ALK: variants seen among roughly 807,000 people sequenced by gnomAD.
The protein encoded by ALK is ALK receptor tyrosine kinase.
Under a neutral mutation model 163.1 loss-of-function variants are expected in ALK, and 74 were observed. The ratio of observed to expected loss-of-function variants is 0.45; its 90% CI spans 0.38 to 0.55. The LOEUF (loss-of-function observed/expected upper bound fraction) is 0.55, where lower values mean the gene tolerates loss of function less well. Among genes scored for constraint, ALK ranks in the 20% least tolerant of loss-of-function variants. The pLI is 0.00. For synonymous variants in ALK, 960 were observed against 843.2 expected (o/e 1.14, Z -2.40); for missense variants, 2,063 against 2,105.3 (o/e 0.98, Z 0.39).
chr2:29,827,738 T>C (rs998686664), intron 1 of ALK, among the ~76,000 whole-genome samples: 3 of 152,228 alleles, frequency 2.0e-5, no homozygotes, highest in African/African-American at 7.2e-5. Context: ...ATGGCCATAC[T>C]GCCCAAGGTA....
intron 1 of ALK, among the ~76,000 whole-genome samples, chr2:29,800,660 A>C (rs1195838038): frequency 6.6e-6 from 1 of 152,136 alleles, no homozygotes; most frequent in African/African-American, 2.4e-5. Context: ...CCCTGGAGGC[A>C]CTCAGGTTTC....
chr2:29,567,717 A>AG (rs1208516290), intron 3 of ALK, among the ~76,000 whole-genome samples: 1 of 152,220 alleles, frequency 6.6e-6, no homozygotes, highest in African/African-American at 2.4e-5. Flanking sequence ...AAGAAAAAAA[A>AG]TAAAGCAATT....
chr2:29,882,422 G>A (rs1309295719), intron 1 of ALK, among the ~76,000 whole-genome samples: 3 of 152,138 alleles, frequency 2.0e-5, no homozygotes, highest in Non-Finnish European at 4.4e-5. Context: ...CAGGCTGGGC[G>A]CAGTGGCTCA....
intron 1 of ALK, among the ~76,000 whole-genome samples, chr2:29,897,678 C>A (rs1667305511): frequency 6.6e-6 from 1 of 152,188 alleles, no homozygotes; most frequent in South Asian, 2.1e-4. Context: ...TTAAATCTCT[C>A]CTCCTTCTAC....
At chr2:29,874,053 C>T (rs994320234) in intron 1 of ALK, among the ~76,000 whole-genome samples, 15 of 152,176 alleles carry the variant, frequency 9.9e-5, no homozygotes, top group Non-Finnish European at 1.8e-4. Flanking sequence ...GCAGGAATTG[C>T]TCCACCATCA....
At chr2:29,806,443 T>C (rs1240768770) in intron 1 of ALK, among the ~76,000 whole-genome samples, 1 of 152,112 alleles carries the variant, frequency 6.6e-6, no homozygotes, top group Non-Finnish European at 1.5e-5. Flanking sequence ...AAAGATAGCT[T>C]AGAAGCTACC....
chr2:29,524,948 T>C (rs1337945960), intron 4 of ALK, among the ~76,000 whole-genome samples: 1 of 151,682 alleles, frequency 6.6e-6, no homozygotes, highest in South Asian at 2.1e-4. Flanking sequence ...AATGGATAGA[T>C]GGTTGGTGGA....
At chr2:29,692,212 C>T (rs1178208521) in intron 3 of ALK, among the ~76,000 whole-genome samples, 1 of 152,064 alleles carries the variant, frequency 6.6e-6, no homozygotes, top group Non-Finnish European at 1.5e-5. Flanking sequence ...TACAGCCTGA[C>T]AATAGCAATA....
chr2:29,807,658 G>T (rs535585211), intron 1 of ALK, among the ~76,000 whole-genome samples: 1 of 152,164 alleles, frequency 6.6e-6, no homozygotes, highest in South Asian at 2.1e-4. Context: ...CAGTGAAAAT[G>T]GAAATATAAA....
intron 4 of ALK, among the ~76,000 whole-genome samples, chr2:29,491,957 G>A (rs1671913653): frequency 2.0e-5 from 3 of 152,084 alleles, no homozygotes; most frequent in Admixed American, 2.0e-4. Context: ...TGAATTGGAT[G>A]GCTGAAAATT....
chr2:29,783,306 G>A (rs943785950), intron 1 of ALK, among the ~76,000 whole-genome samples: 4 of 152,124 alleles, frequency 2.6e-5, no homozygotes. Flanking sequence ...CAAATGCCTG[G>A]AATACTGAAA....
At chr2:29,726,885 G>C (rs545571022) in intron 1 of ALK, among the ~76,000 whole-genome samples, 1 of 152,338 alleles carries the variant, frequency 6.6e-6, no homozygotes, top group South Asian at 2.1e-4. Context: ...CATTGCCAGT[G>C]AGTACTAGGA....
At chr2:29,212,165 G>T (rs1669483724) in intron 24 of ALK, among the ~76,000 whole-genome samples, 1 of 152,192 alleles carries the variant, frequency 6.6e-6, no homozygotes, top group Non-Finnish European at 1.5e-5. Context: ...AAGACATCTG[G>T]CCACCAGGTG....
chr2:29,196,977 G>A (rs558201801), intron 27 of ALK, 117 bp from the exon 28 acceptor site: 3 of 816,066 alleles, frequency 3.7e-6, no homozygotes, highest in South Asian at 1.5e-5. Flanking sequence ...TCTAGGCCCC[G>A]TGTACTTGGC....
At chr2:29,773,533 C>T (rs1419766802) in intron 1 of ALK, among the ~76,000 whole-genome samples, 3 of 152,216 alleles carry the variant, frequency 2.0e-5, no homozygotes, top group South Asian at 2.1e-4. Flanking sequence ...GACACTGGCA[C>T]TGATGACCGC....
chr2:29,488,803 T>C (rs1330711878), intron 4 of ALK, among the ~76,000 whole-genome samples: 2 of 152,300 alleles, frequency 1.3e-5, no homozygotes, highest in East Asian at 3.9e-4. Context: ...CAAACACTTG[T>C]TATCACGGCC....
At chr2:29,406,010 C>T (rs1406640064) in intron 4 of ALK, among the ~76,000 whole-genome samples, 1 of 152,066 alleles carries the variant, frequency 6.6e-6, no homozygotes, top group African/African-American at 2.4e-5. Flanking sequence ...TGCCATGTAC[C>T]CAGAGGAGCT....
chr2:29,469,751 T>C (rs1391385277), intron 4 of ALK, among the ~76,000 whole-genome samples: 2 of 152,198 alleles, frequency 1.3e-5, no homozygotes, highest in African/African-American at 4.8e-5. Context: ...CATTGAGACT[T>C]CACAGCCCTA....
chr2:29,544,370 G>A (rs907411761), intron 3 of ALK, among the ~76,000 whole-genome samples: 2 of 152,162 alleles, frequency 1.3e-5, no homozygotes, highest in Admixed American at 1.3e-4. Flanking sequence ...TTTCACTGAA[G>A]ACTTCTCAGA....
Sources: allele counts gnomAD v4.1 joint callset (sites outside exome capture counted in the v4.1 genomes callset), GRCh38; gene constraint gnomAD v4.1.1; transcripts MANE v1.5; gene names NCBI Gene and HGNC (gene_info 2026-07-23, HGNC 2026-07-21).